Variants in SYT14 observed in about 807,000 individuals in gnomAD.
SYT14 encodes the protein synaptotagmin 14.
SYT14 carries 32 observed loss-of-function variants against 74.2 expected under a neutral mutation model. That is an observed-to-expected ratio of 0.43 (90% CI 0.33 to 0.58). The LOEUF is 0.58. SYT14 is among the 20% of genes least tolerant of loss of function. The pLI, the probability that SYT14 is intolerant of heterozygous loss-of-function variation, is 0.05. For missense variants in SYT14, 791 were observed against 981.8 expected, an observed-to-expected ratio of 0.81 and a Z score of 2.60; for synonymous variants, 298 against 337.7, an observed-to-expected ratio of 0.88 and a Z score of 1.29.
chr1:209,964,572 A>G (rs2079125498), intron 2 of SYT14, among the ~76,000 whole-genome samples: 1 of 152,198 alleles, frequency 6.6e-6, no homozygotes, highest in Non-Finnish European at 1.5e-5. Context: ...GAACTTTGGA[A>G]TAAAGTATCC....
At chr1:210,122,840 T>A (rs1265300759) in intron 7 of SYT14, among the ~76,000 whole-genome samples, 1 of 152,214 alleles carries the variant, frequency 6.6e-6, no homozygotes, top group Non-Finnish European at 1.5e-5. Flanking sequence ...ATTCACCTTA[T>A]GATTTGCATA....
chr1:210,018,343 C>G (rs567968589), intron 4 of SYT14, among the ~76,000 whole-genome samples: 1 of 151,920 alleles, frequency 6.6e-6, no homozygotes, highest in Admixed American at 6.6e-5. Flanking sequence ...CATGTTGGCC[C>G]GGGATGGTCT....
intron 7 of SYT14, among the ~76,000 whole-genome samples, chr1:210,134,493 A>T (rs1307820376): frequency 6.6e-6 from 1 of 152,212 alleles, no homozygotes; most frequent in East Asian, 1.9e-4. Context: ...TAGCATCATC[A>T]TTAGTATTAA....
chr1:210,085,752 G>A (rs993514063), intron 5 of SYT14, among the ~76,000 whole-genome samples: 3 of 152,096 alleles, frequency 2.0e-5, no homozygotes, highest in Non-Finnish European at 2.9e-5. Flanking sequence ...ATTGTGATAT[G>A]GTACCCTGTT....
In SYT14 at chr1:210,145,359, C is replaced by T. The variant is rs77283219; in HGVS notation, c.2035-10362C>T. 2.4e-3 allele frequency among the ~76,000 whole-genome samples: 373 copies of T among 152,286 alleles called. 2 individuals carry two copies. Among genetic ancestry groups the T allele is most frequent in the African/African-American group, 8.3e-3 (344 of 41,556 alleles). On this transcript the variant is annotated intron_variant, in intron 7 of 9. Coordinates refer to ENST00000637265, the Ensembl canonical transcript of SYT14. The stretch of plus-strand genomic sequence containing the variant: ...TGAAGATGTATATCTGAGCATGTTA[C>T]TCCCCAGTTCAAAATGCCTCTCTTG...
chr1:209,954,369 G>A (rs187234267), intron 2 of SYT14, among the ~76,000 whole-genome samples: 105 of 152,036 alleles, frequency 6.9e-4, no homozygotes, highest in Admixed American at 2.2e-3. Flanking sequence ...CTCAAAGTAT[G>A]CTTTGCCCAG....
At chr1:210,118,546 C>T (rs1006553489) in intron 7 of SYT14, among the ~76,000 whole-genome samples, 6 of 152,104 alleles carry the variant, frequency 3.9e-5, no homozygotes, top group South Asian at 2.1e-4. Context: ...GGCGTGGTCT[C>T]GGCTCACTGC....
intron 5 of SYT14, among the ~76,000 whole-genome samples, chr1:210,023,532 C>A (rs1572173610): frequency 1.3e-5 from 2 of 151,830 alleles, no homozygotes; most frequent in South Asian, 4.2e-4. Context: ...TTAGTAGACA[C>A]GGGGCTTCAC....
chr1:210,059,451 T>TATATATATATATATATATATAGAG (rs377050610), intron 5 of SYT14, among the ~76,000 whole-genome samples: 2 of 69,886 alleles, frequency 2.9e-5, no homozygotes, highest in African/African-American at 1.6e-4. Context: ...TATATATATA[T>TATATATATATATATATATATAGAG]AGAGAGAGAG....
chr1:210,150,262 C>G (rs746490392), intron 7 of SYT14, among the ~76,000 whole-genome samples: 3 of 152,126 alleles, frequency 2.0e-5, no homozygotes, highest in Admixed American at 6.5e-5. Context: ...TGGGTTGAGG[C>G]CTGGATCAAT....
chr1:210,028,561 A>G (rs538190689), intron 5 of SYT14, among the ~76,000 whole-genome samples: 1 of 152,248 alleles, frequency 6.6e-6, no homozygotes, highest in South Asian at 2.1e-4. Flanking sequence ...CACTTAGCAT[A>G]ATGTCCCCAG....
intron 7 of SYT14, among the ~76,000 whole-genome samples, chr1:210,153,350 G>A (rs1178932159): frequency 6.6e-6 from 1 of 151,996 alleles, no homozygotes; most frequent in Non-Finnish European, 1.5e-5. Context: ...GAAACCTGCC[G>A]ATATTTTTAT....
At chr1:210,087,287 G>A (rs897748022) in intron 5 of SYT14, among the ~76,000 whole-genome samples, 1 of 152,122 alleles carries the variant, frequency 6.6e-6, no homozygotes, top group African/African-American at 2.4e-5. Context: ...CCACCTGTCT[G>A]TGCAGATGCA....
intron 7 of SYT14, among the ~76,000 whole-genome samples, chr1:210,153,878 T>C (rs1019623589): frequency 6.6e-6 from 1 of 152,198 alleles, no homozygotes; most frequent in Admixed American, 6.5e-5. Context: ...TGTTGCTAGA[T>C]TTGGTTTGCT....
At chr1:210,059,437 T>TAG (rs2081161387) in intron 5 of SYT14, among the ~76,000 whole-genome samples, 1 of 93,430 alleles carries the variant, frequency 1.1e-5, no homozygotes, top group Admixed American at 1.1e-4. Flanking sequence ...AATATATATA[T>TAG]ATATATATAT....
intron 2 of SYT14, among the ~76,000 whole-genome samples, chr1:209,961,148 C>G (rs1469763180): frequency 6.6e-6 from 1 of 152,144 alleles, no homozygotes; most frequent in Admixed American, 6.6e-5. Flanking sequence ...TCTTCCCCCT[C>G]AAGTGCATCG....
intron 5 of SYT14, 94 bp from the exon 5 acceptor site, chr1:210,094,228 G>T: frequency 6.5e-7 from 1 of 1,536,272 alleles, no homozygotes; most frequent in Non-Finnish European, 8.9e-7. Context: ...TCAATTTTTT[G>T]ATCCAGTTTT....
intron 5 of SYT14, among the ~76,000 whole-genome samples, chr1:210,052,997 A>G (rs1259565671): frequency 6.6e-6 from 1 of 151,726 alleles, no homozygotes; most frequent in East Asian, 1.9e-4. Context: ...TTTATACAAT[A>G]TCCTACATGA....
chr1:210,035,418 A>G (rs1221268167), intron 5 of SYT14, among the ~76,000 whole-genome samples: 2 of 151,736 alleles, frequency 1.3e-5, no homozygotes, highest in Non-Finnish European at 2.9e-5. Context: ...CTTTTAGTTT[A>G]TATAGTCCCA....
Sources: gnomAD v4.1 joint callset for allele counts (sites outside exome capture counted in the v4.1 genomes callset) on GRCh38, gnomAD v4.1.1 for gene constraint, MANE v1.5 for transcripts, NCBI Gene and HGNC (gene_info 2026-07-23, HGNC 2026-07-21) for gene names.